SP100: variants seen among roughly 807,000 people sequenced by gnomAD.
SP100 encodes nuclear autoantigen Sp-100.
In SP100, 84 loss-of-function variants were observed where a neutral mutation model predicts 130.0. That is an observed-to-expected ratio of 0.65 (90% CI 0.54 to 0.77). The LOEUF is 0.77. SP100 is among the 30% of genes least tolerant of loss of function. SP100 has a pLI of 0.00. For synonymous variants in SP100, 331 were observed against 351.7 expected (o/e 0.94, Z 0.66); for missense variants, 978 against 1,052.2 (o/e 0.93, Z 0.97).
rs1297245923 is a variant in SP100 at position 230,474,431 on chromosome 2, A to C, written c.1584A>C (p.Lys528Asn). The change falls in exon 17 of 29, where the codon AAA (lysine) becomes AAC (asparagine). Residue 528 changes from lysine to asparagine, a missense_variant. Physicochemically the swap from Lys to Asn is moderately conservative, Grantham distance 94. Coordinates refer to ENST00000340126, the MANE Select transcript of SP100 (RefSeq NM_001080391.2). ...TTGAAAACAATTCTACTTTGGAAAAACACAGTGGGAAAAGAAGTAAGAACA... is the reference window on the plus strand; with the variant it reads ...TTGAAAACAATTCTACTTTGGAAAACCACAGTGGGAAAAGAAGTAAGAACA... ...MDVENNSTLE[K>N]HSGKRRKKRR... The C allele has an allele frequency of 8.6e-6, 13 of 1,510,246 alleles. No homozygotes were observed. Among genetic ancestry groups the C allele is most frequent in the Non-Finnish European group, 1.2e-5 (13 of 1,092,582 alleles). The allele number at this position is 1,510,246 out of a possible 1,614,324, so 93.6% of individuals were successfully genotyped here.
intron 19 of SP100, among the ~76,000 whole-genome samples, chr2:230,500,874 A>G (rs1167148376): frequency 3.9e-5 from 6 of 152,218 alleles, no homozygotes; most frequent in Admixed American, 1.3e-4. Context: ...CTGAGAGACA[A>G]GGAACGAGTG....
intron 17 of SP100, among the ~76,000 whole-genome samples, chr2:230,489,797 G>A (rs144118508): frequency 0.024 from 3,668 of 152,164 alleles, 148 homozygotes; most frequent in African/African-American, 0.084. Context: ...GGAGCAGGTT[G>A]TTCAATTTCC....
intron 18 of SP100, among the ~76,000 whole-genome samples, chr2:230,495,511 G>C (rs1405574991): frequency 2.0e-5 from 3 of 152,034 alleles, no homozygotes; most frequent in Admixed American, 2.0e-4. Flanking sequence ...GTAAAGACAG[G>C]GTTTCGCCAT....
At chr2:230,506,535 A>G in intron 22 of SP100, 90 bp downstream of exon 22, 1 of 1,334,418 alleles carries the variant, frequency 7.5e-7, no homozygotes. Flanking sequence ...GTGCCCAGAA[A>G]TTCATCATGA....
At chr2:230,467,699 T>C (rs557528024) in intron 13 of SP100, among the ~76,000 whole-genome samples, 1 of 152,288 alleles carries the variant, frequency 6.6e-6, no homozygotes, top group East Asian at 1.9e-4. Context: ...CATGATTCAA[T>C]TACGTGCCAC....
At chr2:230,450,444 G>C (rs1221741021) in intron 8 of SP100, among the ~76,000 whole-genome samples, 189 bp downstream of exon 8, 1 of 152,080 alleles carries the variant, frequency 6.6e-6, no homozygotes. Flanking sequence ...GCTAATTAGA[G>C]CTAATTAGCA....
intron 2 of SP100, among the ~76,000 whole-genome samples, chr2:230,433,185 G>C (rs1360535408): frequency 6.6e-6 from 1 of 152,162 alleles, no homozygotes; most frequent in African/African-American, 2.4e-5. Flanking sequence ...CATATGGTGT[G>C]AGGTAAGGGT....
chr2:230,543,142 G>A lies in SP100; in HGVS notation c.*196G>A, dbSNP rs925386501. Reference sequence around the variant, plus strand: ...CATGTTAAAAATTCTCAATAAGCTAGGTATTGAGGAACATATCCCAAAATA... The same window carrying A: ...CATGTTAAAAATTCTCAATAAGCTAAGTATTGAGGAACATATCCCAAAATA... On this transcript the variant is annotated 3_prime_UTR_variant, in exon 29 of 29. Coordinates refer to ENST00000340126, the MANE Select transcript of SP100 (RefSeq NM_001080391.2). 3 of 370,796 alleles carry A rather than the reference G, an allele frequency of 8.1e-6. No homozygotes were observed. The highest frequency in any genetic ancestry group is 1.4e-5 in the Non-Finnish European group (3 of 210,588). 23.0% of individuals were successfully genotyped at this position (370,796 alleles called of 1,614,324 possible).
rs138244688 is a variant in SP100 at position 230,523,850 on chromosome 2, A to G, written c.2094+12684A>G. On this transcript the variant is annotated intron_variant, in intron 24 of 28. Transcript: ENST00000340126. The stretch of plus-strand genomic sequence containing the variant: ...CTTGAATCTGGGAGGTAGAGGTTGC[A>G]GTAAGCTGAGATCATGCCATTGCAC... Among the ~76,000 whole-genome samples, 1,247 of 152,274 alleles carry G rather than the reference A, an allele frequency of 8.2e-3. 17 individuals carry two copies. The highest frequency in any genetic ancestry group is 0.028 in the African/African-American group (1,183 of 41,546).
At position 230,429,519 on chromosome 2, in the gene SP100, C is replaced by T. The variant is rs150153472; in HGVS notation, c.107+11854C>T. The stretch of plus-strand genomic sequence containing the variant: ...CTCCCCAAATGTGGAAAGTTTCCAG[C>T]CATTACTTCTCTAAATGTACTTTCT... On this transcript the variant is annotated intron_variant, in intron 2 of 28. Coordinates refer to ENST00000340126, the MANE Select transcript of SP100 (RefSeq NM_001080391.2). Among the ~76,000 whole-genome samples, 1,218 of 152,270 alleles carry T rather than the reference C, an allele frequency of 8.0e-3. 15 individuals are homozygous for T. Among genetic ancestry groups the T allele is most frequent in the African/African-American group, 0.028 (1,160 of 41,546 alleles).
chr2:230,447,663 G>A (rs1048265616), intron 5 of SP100, among the ~76,000 whole-genome samples: 18 of 152,320 alleles, frequency 1.2e-4, no homozygotes, highest in South Asian at 6.2e-4. Context: ...AGGGCAAAGC[G>A]TGGGGAAGGG....
intron 17 of SP100, among the ~76,000 whole-genome samples, chr2:230,476,620 A>G (rs1191856052): frequency 6.6e-6 from 1 of 152,168 alleles, no homozygotes; most frequent in African/African-American, 2.4e-5. Flanking sequence ...ACGTTTTGGA[A>G]TATAGTTTTA....
At chr2:230,469,780 T>TAA (rs372197214) in intron 14 of SP100, 45 of 1,129,728 alleles carry the variant, frequency 4.0e-5, no homozygotes, top group East Asian at 2.6e-4. Flanking sequence ...TTCCCAAAGT[T>TAA]AAAAAAAAAA....
At chr2:230,528,266 T>C (rs1250321800) in intron 24 of SP100, among the ~76,000 whole-genome samples, 1 of 152,198 alleles carries the variant, frequency 6.6e-6, no homozygotes, top group African/African-American at 2.4e-5. Flanking sequence ...GAACTCAAGA[T>C]TAATAAACTA....
At chr2:230,511,314 G>T in intron 24 of SP100, 148 bp downstream of exon 24, 1 of 678,098 alleles carries the variant, frequency 1.5e-6, no homozygotes, top group South Asian at 1.7e-5. Context: ...CAGGTACCTG[G>T]GTCTGGGATT....
At chr2:230,542,785 G>A (rs759256537) in intron 28 of SP100, 51 bp from the exon 29 acceptor site, 3 of 1,061,302 alleles carry the variant, frequency 2.8e-6, no homozygotes, top group African/African-American at 1.6e-5. Flanking sequence ...AACACTGGGT[G>A]TCTCAGCTCA....
At chr2:230,511,466 G>A (rs1256925265) in intron 24 of SP100, among the ~76,000 whole-genome samples, 1 of 152,140 alleles carries the variant, frequency 6.6e-6, no homozygotes, top group African/African-American at 2.4e-5. Context: ...TAATGGACAG[G>A]GCTGGCCTGC....
intron 4 of SP100, among the ~76,000 whole-genome samples, chr2:230,444,776 C>G (rs566293882): frequency 1.3e-5 from 2 of 152,316 alleles, no homozygotes; most frequent in African/African-American, 4.8e-5. Flanking sequence ...GAGTGTATGT[C>G]TCTTGTAACA....
chr2:230,455,955 A>G (rs2064254849), intron 8 of SP100, among the ~76,000 whole-genome samples: 1 of 152,166 alleles, frequency 6.6e-6, no homozygotes, highest in Non-Finnish European at 1.5e-5. Flanking sequence ...TATAGTGTAT[A>G]CTCTAAAAAA....
Sources: allele counts gnomAD v4.1 joint callset (sites outside exome capture counted in the v4.1 genomes callset), GRCh38; gene constraint gnomAD v4.1.1; transcripts MANE v1.5; gene names NCBI Gene and HGNC (gene_info 2026-07-23, HGNC 2026-07-21).